Variants in ELOVL6 observed in about 807,000 individuals in gnomAD.
ELOVL6 encodes very long chain fatty acid elongase 6.
In ELOVL6, 8 loss-of-function variants were observed where a neutral mutation model predicts 31.7. The observed-to-expected ratio is 0.25, with a 90% CI of 0.15 to 0.45. ELOVL6 has a LOEUF of 0.45. Among genes scored for constraint, ELOVL6 ranks in the 20% least tolerant of loss-of-function variants. The probability of loss-of-function intolerance (pLI) is 1.00; values close to 1 mark genes in which losing one functional copy is unlikely to be tolerated. For missense variants in ELOVL6, 126 were observed against 326.4 expected (o/e 0.39, Z 4.73); for synonymous variants, 101 against 117.7 (o/e 0.86, Z 0.92).
At chr4:110,067,666 G>A (rs1755343780) in intron 2 of ELOVL6, among the ~76,000 whole-genome samples, 2 of 152,180 alleles carry the variant, frequency 1.3e-5, no homozygotes, top group South Asian at 2.1e-4. Flanking sequence ...TCTGCATCAG[G>A]TGCTGACATA....
chr4:110,143,072 A>G (rs933434494), intron 1 of ELOVL6, among the ~76,000 whole-genome samples: 2 of 152,166 alleles, frequency 1.3e-5, no homozygotes, highest in Non-Finnish European at 2.9e-5. Context: ...AACATAATAC[A>G]TGTTGACTTA....
intron 1 of ELOVL6, among the ~76,000 whole-genome samples, chr4:110,170,475 G>A (rs1758911609): frequency 6.6e-6 from 1 of 152,198 alleles, no homozygotes; most frequent in African/African-American, 2.4e-5. Flanking sequence ...AAAGAGCAGT[G>A]AAAAAATTAA....
chr4:110,192,111 A>G (rs899570624), intron 1 of ELOVL6, among the ~76,000 whole-genome samples: 1 of 151,674 alleles, frequency 6.6e-6, no homozygotes, highest in Non-Finnish European at 1.5e-5. Flanking sequence ...AATCACTTGA[A>G]CCCAGGAGGC....
intron 3 of ELOVL6, among the ~76,000 whole-genome samples, chr4:110,058,873 C>T (rs1358064816): frequency 6.6e-6 from 1 of 152,076 alleles, no homozygotes; most frequent in Non-Finnish European, 1.5e-5. Context: ...CATGGATGTA[C>T]TCAGAGCTTA....
rs529130098 is a variant in ELOVL6, at chr4:110,080,204, C to A, written c.222-20450G>T. Among the ~76,000 whole-genome samples the A allele has an allele frequency of 1.6e-4, 24 of 152,310 alleles. No individual in the cohort carries two copies. In the East Asian group the frequency reaches 3.7e-3, roughly 23 times the overall value. On this transcript the variant is annotated intron_variant, in intron 2 of 3. Transcript: ENST00000302274. ...CCATTGCTTCTGAAACTATTACAAT[C>A]AATAGAAAGAGAGGGAATCCTTCCT...
At chr4:110,175,181 T>G (rs1308313678) in intron 1 of ELOVL6, among the ~76,000 whole-genome samples, 1 of 152,098 alleles carries the variant, frequency 6.6e-6, no homozygotes, top group Non-Finnish European at 1.5e-5. Flanking sequence ...GCTAGGAGTT[T>G]GAGACCAGCC....
chr4:110,129,441 G>A (rs1757603333), intron 1 of ELOVL6, among the ~76,000 whole-genome samples: 1 of 152,158 alleles, frequency 6.6e-6, no homozygotes, highest in Non-Finnish European at 1.5e-5. Flanking sequence ...CACTGGACTG[G>A]ATCAATTGTG....
chr4:110,131,940 T>C (rs1209247555), intron 1 of ELOVL6, among the ~76,000 whole-genome samples: 1 of 152,130 alleles, frequency 6.6e-6, no homozygotes, highest in Non-Finnish European at 1.5e-5. Context: ...TGGCCAGTTT[T>C]TAAGGCATGC....
intron 1 of ELOVL6, among the ~76,000 whole-genome samples, chr4:110,164,769 A>C (rs79003351): frequency 6.0e-5 from 9 of 149,250 alleles, no homozygotes; most frequent in African/African-American, 1.5e-4. Flanking sequence ...AAAAAAAAAA[A>C]CACTCAGGTT....
intron 1 of ELOVL6, among the ~76,000 whole-genome samples, chr4:110,140,701 T>A (rs1379030454): frequency 5.3e-5 from 8 of 151,778 alleles, no homozygotes; most frequent in African/African-American, 1.9e-4. Context: ...AAGCTTGTCC[T>A]TATTGCCCAA....
chr4:110,162,125 A>G (rs957011214), intron 1 of ELOVL6, among the ~76,000 whole-genome samples: 2 of 152,210 alleles, frequency 1.3e-5, no homozygotes, highest in African/African-American at 4.8e-5. Flanking sequence ...TGCCTAGTTT[A>G]TAATTGTTTT....
chr4:110,174,273 C>T (rs1030122261), intron 1 of ELOVL6, among the ~76,000 whole-genome samples: 1 of 151,308 alleles, frequency 6.6e-6, no homozygotes, highest in Admixed American at 6.6e-5. Context: ...AAGAGATTCT[C>T]CTGCCTCAGC....
chr4:110,116,511 C>T (rs922587342), intron 1 of ELOVL6, among the ~76,000 whole-genome samples: 1 of 152,226 alleles, frequency 6.6e-6, no homozygotes, highest in Non-Finnish European at 1.5e-5. Flanking sequence ...ACATGACTTA[C>T]TGTATCCTTT....
chr4:110,073,782 C>T (rs750394730), intron 2 of ELOVL6, among the ~76,000 whole-genome samples: 2 of 152,168 alleles, frequency 1.3e-5, no homozygotes, highest in Non-Finnish European at 2.9e-5. Flanking sequence ...AAGGAAAAGC[C>T]GGTTTCCATC....
At chr4:110,161,461 A>C (rs186534133) in intron 1 of ELOVL6, among the ~76,000 whole-genome samples, 31 of 152,258 alleles carry the variant, frequency 2.0e-4, no homozygotes, top group Admixed American at 9.2e-4. Flanking sequence ...GAAAAATTGG[A>C]GTTGCCTGAC....
rs769207759 is a variant in ELOVL6, at chr4:110,051,648, C to G, written c.488G>C (p.Gly163Ala). The change falls in exon 4 of 4, where the codon GGA becomes GCA. Residue 163 changes from glycine to alanine, a missense_variant. Physicochemically the swap from Gly to Ala is moderately conservative, Grantham distance 60. Coordinates refer to ENST00000302274, the MANE Select transcript of ELOVL6 (RefSeq NM_024090.3). The surrounding 1 kb of genome is among the most constrained non-coding windows in gnomAD (Gnocchi z 4.8). The part of the protein sequence containing the change: ...WYSYKDMVAG[G>A]GWFMTMNYGV... Reference sequence around the variant, plus strand: ...ATAGTTCATAGTCATGAACCAACCTCCCCCGGCAACCATGTCTTTGTAGGA... The same window carrying G: ...ATAGTTCATAGTCATGAACCAACCTGCCCCGGCAACCATGTCTTTGTAGGA... 6.2e-7 allele frequency: 1 copy of G among 1,614,170 alleles called. No individual in the cohort carries two copies. The highest frequency in any genetic ancestry group is 8.5e-7 in the Non-Finnish European group (1 of 1,180,012).
At chr4:110,193,131 T>C (rs1021977564) in intron 1 of ELOVL6, among the ~76,000 whole-genome samples, 3 of 152,244 alleles carry the variant, frequency 2.0e-5, no homozygotes, top group Non-Finnish European at 4.4e-5. Flanking sequence ...AGCCAAATAC[T>C]ATGTCTGCAT....
intron 1 of ELOVL6, among the ~76,000 whole-genome samples, chr4:110,127,496 A>T (rs1378691588): frequency 6.6e-6 from 1 of 152,032 alleles, no homozygotes; most frequent in Non-Finnish European, 1.5e-5. Flanking sequence ...TAAGAAAAAC[A>T]TTAATCTAAA....
chr4:110,081,682 G>A (rs1755857342), intron 2 of ELOVL6, among the ~76,000 whole-genome samples: 1 of 151,048 alleles, frequency 6.6e-6, no homozygotes, highest in South Asian at 2.1e-4. Flanking sequence ...CATAGGCATG[G>A]GCAAGGACTT....
Sources: gnomAD v4.1 joint callset for allele counts (sites outside exome capture counted in the v4.1 genomes callset) on GRCh38, gnomAD v4.1.1 for gene constraint, Gnocchi (gnomAD v3.1) non-coding constraint, MANE v1.5 for transcripts, NCBI Gene and HGNC (gene_info 2026-07-23, HGNC 2026-07-21) for gene names.